The following CHRNA7 variants were observed in gnomAD, a reference collection of about 807,000 sequenced individuals.
The protein encoded by CHRNA7 is neuronal acetylcholine receptor subunit alpha-7.
Under a neutral mutation model 48.0 loss-of-function variants are expected in CHRNA7, and 17 were observed. The observed-to-expected ratio is 0.35, with a 90% CI of 0.24 to 0.53. The LOEUF (loss-of-function observed/expected upper bound fraction) is 0.53, where lower values mean the gene tolerates loss of function less well. Ranked by LOEUF, CHRNA7 falls within the 20% of genes least tolerant of loss-of-function variation. The pLI, the probability that CHRNA7 is intolerant of heterozygous loss-of-function variation, is 0.92. For missense variants in CHRNA7, 155 were observed against 577.7 expected, an observed-to-expected ratio of 0.27 and a Z score of 7.50; for synonymous variants, 75 against 242.3, an observed-to-expected ratio of 0.31 and a Z score of 6.41.
chr15:32,057,600 A>T (rs2049808213), intron 2 of CHRNA7, among the ~76,000 whole-genome samples: 1 of 152,234 alleles, frequency 6.6e-6, no homozygotes, highest in Admixed American at 6.5e-5. Flanking sequence ...TAAAAACAAC[A>T]TTTAAAAACT....
chr15:32,063,346 C>G (rs920694707), intron 2 of CHRNA7, among the ~76,000 whole-genome samples: 1 of 152,148 alleles, frequency 6.6e-6, no homozygotes, highest in African/African-American at 2.4e-5. Context: ...ATACGCTGTC[C>G]ATAGTTCCCT....
rs1182659644 is a variant in CHRNA7 at position 32,149,154 on chromosome 15, A to G, written c.351-4753A>G. 6.6e-6 allele frequency among the ~76,000 whole-genome samples: 1 copy of G among 152,224 alleles called. No individual in the cohort carries two copies. Among genetic ancestry groups the G allele is most frequent in the African/African-American group, 2.4e-5 (1 of 41,468 alleles). On this transcript the variant is annotated intron_variant, in intron 4 of 9. Transcript: ENST00000306901. The surrounding 1 kb of genome is among the most constrained non-coding windows in gnomAD (Gnocchi z 4.6). ...AGGCCGGCATCTTCACAAACTGTGG[A>G]TGTACTGTGTCTTCCAGTAGTCAAA...
intron 3 of CHRNA7, among the ~76,000 whole-genome samples, chr15:32,107,926 G>C (rs950284499): frequency 6.6e-6 from 1 of 152,170 alleles, no homozygotes; most frequent in Non-Finnish European, 1.5e-5. Context: ...AAGGGGCTCT[G>C]TATGAATCAC....
At chr15:32,138,277 G>A (rs1188418433) in intron 4 of CHRNA7, among the ~76,000 whole-genome samples, 3 of 152,060 alleles carry the variant, frequency 2.0e-5, no homozygotes, top group Admixed American at 2.0e-4. Flanking sequence ...AGAATATTGT[G>A]ACACAATTTT....
chr15:32,165,968 CCT>C (rs2052102162), intron 9 of CHRNA7: 1 of 151,840 alleles, frequency 6.6e-6, no homozygotes. Flanking sequence ...CTGCTCGCTC[CCT>C]GTGTGCACTG....
At chr15:32,045,274 G>C (rs763702470) in intron 2 of CHRNA7, among the ~76,000 whole-genome samples, 1 of 152,104 alleles carries the variant, frequency 6.6e-6, no homozygotes, top group Non-Finnish European at 1.5e-5. Context: ...GAGCCTGGTT[G>C]TGTTTGTAGT....
At chr15:32,096,911 A>G (rs963222870) in intron 2 of CHRNA7, among the ~76,000 whole-genome samples, 7 of 152,154 alleles carry the variant, frequency 4.6e-5, no homozygotes, top group Admixed American at 2.6e-4. Flanking sequence ...GCCTTGCCAC[A>G]CCGGCCTTCT....
chr15:32,060,338 CTG>C (rs145181779), intron 2 of CHRNA7, among the ~76,000 whole-genome samples: 3 of 151,558 alleles, frequency 2.0e-5, no homozygotes, highest in South Asian at 2.1e-4. Context: ...ATATACATAC[CTG>C]TGTGTGTGTG....
In CHRNA7 at chr15:32,044,189, G is replaced by T. The variant is rs546643109; in HGVS notation, c.195+13152G>T. ...TGCTTGGGATTCAGAATGACTTATTGAATCTGTTCCTTGGTTTCATTCACA... is the reference window on the plus strand; with the variant it reads ...TGCTTGGGATTCAGAATGACTTATTTAATCTGTTCCTTGGTTTCATTCACA... On this transcript the variant is annotated intron_variant, in intron 2 of 9. Coordinates refer to ENST00000306901, the MANE Select transcript of CHRNA7 (RefSeq NM_000746.6). 5.3e-5 allele frequency among the ~76,000 whole-genome samples: 8 copies of T among 152,198 alleles called. No individual in the cohort carries two copies. In the South Asian group the frequency reaches 1.7e-3, roughly 32 times the overall value.
chr15:32,067,649 TCTC>T (rs1174512969), intron 2 of CHRNA7, among the ~76,000 whole-genome samples: 1 of 152,246 alleles, frequency 6.6e-6, no homozygotes, highest in Non-Finnish European at 1.5e-5. Context: ...ACTCTTTTTT[TCTC>T]CTCTCTGATT....
At chr15:32,082,023 T>C (rs535592123) in intron 2 of CHRNA7, among the ~76,000 whole-genome samples, 56 of 152,328 alleles carry the variant, frequency 3.7e-4, no homozygotes, top group Admixed American at 6.5e-4. Context: ...TTGAAAAGGT[T>C]GTTTTTCTTC....
At chr15:32,134,775 C>A (rs1340468875) in intron 4 of CHRNA7, among the ~76,000 whole-genome samples, 1 of 152,042 alleles carries the variant, frequency 6.6e-6, no homozygotes, top group Non-Finnish European at 1.5e-5. Flanking sequence ...CTTTAAAAAG[C>A]AACTTTGAAA....
chr15:32,151,000 C>T (rs1319243384), intron 4 of CHRNA7, among the ~76,000 whole-genome samples: 1 of 152,088 alleles, frequency 6.6e-6, no homozygotes, highest in African/African-American at 2.4e-5. Flanking sequence ...CTCTCCCTCT[C>T]TCCTTTCTCT....
intron 2 of CHRNA7, among the ~76,000 whole-genome samples, chr15:32,053,668 G>T (rs2049732865): frequency 6.6e-6 from 1 of 152,180 alleles, no homozygotes; most frequent in African/African-American, 2.4e-5. Context: ...AAGTTTCCAA[G>T]ATCTAAAGCT....
At chr15:32,123,865 A>G (rs1471429143) in intron 4 of CHRNA7, among the ~76,000 whole-genome samples, 1 of 148,934 alleles carries the variant, frequency 6.7e-6, no homozygotes, top group African/African-American at 2.5e-5. Flanking sequence ...TCTCTTGCTC[A>G]TCTGTCTTTT....
At chr15:32,122,002 G>A (rs547527118) in intron 4 of CHRNA7, among the ~76,000 whole-genome samples, 16 of 152,212 alleles carry the variant, frequency 1.1e-4, no homozygotes, top group Non-Finnish European at 1.6e-4. Context: ...CTGGGCTGCT[G>A]TGTACCTTGG....
At chr15:32,093,737 G>T (rs1268678457) in intron 2 of CHRNA7, among the ~76,000 whole-genome samples, 3 of 151,906 alleles carry the variant, frequency 2.0e-5, no homozygotes, top group African/African-American at 7.3e-5. Context: ...GTCTTTCCTG[G>T]GATTATGTCT....
At chr15:32,044,120 AG>A (rs1373300496) in intron 2 of CHRNA7, among the ~76,000 whole-genome samples, 1 of 152,106 alleles carries the variant, frequency 6.6e-6, no homozygotes, top group East Asian at 1.9e-4. Flanking sequence ...GATTTTTAAC[AG>A]TTTTGCTATG....
At chr15:32,150,614 T>C (rs1396745168) in intron 4 of CHRNA7, among the ~76,000 whole-genome samples, 3 of 152,170 alleles carry the variant, frequency 2.0e-5, no homozygotes, top group African/African-American at 7.2e-5. Flanking sequence ...ACAACGGTAG[T>C]CTCTAAGAGT....
Sources: allele counts gnomAD v4.1 joint callset (sites outside exome capture counted in the v4.1 genomes callset), GRCh38; gene constraint gnomAD v4.1.1; non-coding constraint Gnocchi (gnomAD v3.1); transcripts MANE v1.5; gene names NCBI Gene and HGNC (gene_info 2026-07-23, HGNC 2026-07-21).